The following TSPEAR variants were observed in gnomAD, a reference collection of about 807,000 sequenced individuals.
TSPEAR encodes thrombospondin type laminin G domain and EAR repeats, also known as thrombospondin-type laminin G domain and EAR repeat-containing protein.
A neutral mutation model predicts 71.6 loss-of-function variants in TSPEAR; 69 were observed. The observed-to-expected ratio is 0.96, with a 90% CI of 0.79 to 1.18. TSPEAR has a LOEUF of 1.18. Ranked by LOEUF, TSPEAR falls within the 50% of genes most tolerant of loss-of-function variation. The pLI, the probability that TSPEAR is intolerant of heterozygous loss-of-function variation, is 0.00. For synonymous variants in TSPEAR, 402 were observed against 387.2 expected (o/e 1.04, Z -0.45); for missense variants, 971 against 894.9 (o/e 1.09, Z -1.09).
intron 9 of TSPEAR, among the ~76,000 whole-genome samples, chr21:44,514,193 C>G (rs1234734642): frequency 6.6e-6 from 1 of 152,206 alleles, no homozygotes; most frequent in Non-Finnish European, 1.5e-5. Context: ...ACCCCCTTGA[C>G]AGATGTGCAG....
At chr21:44,580,545 C>T (rs376826211) in intron 1 of TSPEAR, 11 of 1,613,404 alleles carry the variant, frequency 6.8e-6, no homozygotes, top group Middle Eastern at 1.7e-4. Context: ...TCAGAGCAAG[C>T]GCTGGAGCAG....
intron 1 of TSPEAR, chr21:44,591,345 C>A (rs782354193): frequency 6.4e-6 from 10 of 1,563,172 alleles, no homozygotes; most frequent in Non-Finnish European, 8.7e-6. Flanking sequence ...GCTGGGAGGT[C>A]AGCCCCTGGT....
intron 1 of TSPEAR, among the ~76,000 whole-genome samples, chr21:44,626,683 T>C (rs1476869786): frequency 6.6e-6 from 1 of 152,076 alleles, no homozygotes; most frequent in Non-Finnish European, 1.5e-5. Context: ...GGAAGGACCA[T>C]ACTAGAGGAG....
chr21:44,648,394 A>G (rs73909212), intron 1 of TSPEAR, among the ~76,000 whole-genome samples: 5,366 of 152,220 alleles, frequency 0.035, 307 homozygotes, highest in African/African-American at 0.12. Context: ...TTGAACCAGA[A>G]AGTAGCTGAA....
At chr21:44,707,589 C>T (rs1262526548) in intron 1 of TSPEAR, among the ~76,000 whole-genome samples, 4 of 149,786 alleles carry the variant, frequency 2.7e-5, no homozygotes, top group Non-Finnish European at 4.4e-5. Flanking sequence ...ACCATGGGGG[C>T]GGAGCGGGGG....
intron 1 of TSPEAR, chr21:44,580,258 G>A: frequency 1.2e-6 from 2 of 1,613,884 alleles, no homozygotes; most frequent in Non-Finnish European, 1.7e-6. Flanking sequence ...AGCATGAAGA[G>A]GAATCCTTAG....
At position 44,687,494 on chromosome 21, in the gene TSPEAR, C is replaced by T. The variant is rs1057091940; in HGVS notation, c.82+23939G>A. 2.6e-5 allele frequency among the ~76,000 whole-genome samples: 4 copies of T among 152,194 alleles called. No homozygotes were observed. Among genetic ancestry groups the T allele is most frequent in the Non-Finnish European group, 5.9e-5 (4 of 68,032 alleles). Reference sequence around the variant, plus strand: ...TACGCACACGGCAACAGGAACGCATCGCAGAAACACCGCGCGGGGTGGGAG... The same window carrying T: ...TACGCACACGGCAACAGGAACGCATTGCAGAAACACCGCGCGGGGTGGGAG... On this transcript the variant is annotated intron_variant, in intron 1 of 11. Transcript: ENST00000323084. This position sits in a 1 kb window ranked among gnomAD's most constrained non-coding sequence, Gnocchi z 4.4.
chr21:44,570,030 C>A (rs587692127), intron 1 of TSPEAR, among the ~76,000 whole-genome samples: 15 of 152,280 alleles, frequency 9.9e-5, no homozygotes, highest in Admixed American at 2.0e-4. Flanking sequence ...CTCAGAGAGA[C>A]ACTGCTGCAC....
chr21:44,573,281 C>T (rs1181581109), intron 1 of TSPEAR, among the ~76,000 whole-genome samples: 9 of 152,046 alleles, frequency 5.9e-5, no homozygotes, highest in Non-Finnish European at 8.8e-5. Flanking sequence ...CGGAGCCACC[C>T]GTAGGCACCC....
intron 1 of TSPEAR, among the ~76,000 whole-genome samples, chr21:44,600,169 T>C (rs1479085532): frequency 2.0e-5 from 3 of 152,120 alleles, no homozygotes; most frequent in African/African-American, 7.2e-5. Context: ...CAGGGGCTTC[T>C]CTAGCCTGGC....
rs782600775 is a variant in TSPEAR, at chr21:44,646,687, C to T, written c.82+64746G>A. The T allele has an allele frequency of 2.5e-6, 4 of 1,614,142 alleles. No homozygotes were observed. The Admixed American group carries it at 6.7e-5, about 27-fold the overall frequency. ...ATCAGGCTGCACCAGCTCCTGCACG[C>T]CGTCATGCTGCCAGCAGTCTAGCTG... On this transcript the variant is annotated intron_variant, in intron 1 of 11. Transcript: ENST00000323084.
intron 1 of TSPEAR, among the ~76,000 whole-genome samples, chr21:44,652,076 C>T (rs587701149): frequency 7.0e-4 from 106 of 151,700 alleles, no homozygotes; most frequent in African/African-American, 2.5e-3. Context: ...GTCCGCCTCC[C>T]GCGTTCACAC....
At chr21:44,613,146 G>A (rs1403104794) in intron 1 of TSPEAR, among the ~76,000 whole-genome samples, 2 of 152,138 alleles carry the variant, frequency 1.3e-5, no homozygotes, top group Non-Finnish European at 2.9e-5. Context: ...ACTTGGCCTC[G>A]ACTTGAACCT....
In TSPEAR at chr21:44,504,881, A is replaced by C. The variant is rs782583828; in HGVS notation, c.1755T>G (p.Ser585Arg). Residue 585 changes from serine (S) to arginine (R), a missense_variant and splice_region_variant, in exon 11 of 12, where the codon AGT becomes AGG. Coordinates refer to ENST00000323084, the MANE Select transcript of TSPEAR (RefSeq NM_144991.3). ...FVKFQDILTC[S>R]ALDWEFFSVG... ...CCGAGAAAAACTCCCAGTCCAGAGC[A>C]CTGCAGGAACAAGTGGGTGGATATT... is the stretch of plus-strand genomic sequence containing the variant. 19 of 1,611,860 alleles carry C rather than the reference A, an allele frequency of 1.2e-5. No homozygotes were observed. The highest frequency in any genetic ancestry group is 1.4e-5 in the Non-Finnish European group (17 of 1,178,344).
intron 9 of TSPEAR, among the ~76,000 whole-genome samples, chr21:44,513,853 G>A (rs975303739): frequency 1.6e-4 from 24 of 152,166 alleles, no homozygotes; most frequent in Non-Finnish European, 3.4e-4. Flanking sequence ...GGTTGGGGGG[G>A]CAGTGGCATC....
intron 8 of TSPEAR, 106 bp downstream of exon 8, chr21:44,525,547 C>T (rs2052837368): frequency 8.4e-7 from 1 of 1,188,046 alleles, no homozygotes. Flanking sequence ...CCCTGTGCTG[C>T]ATGTGGCTTA....
chr21:44,524,317 AG>A (rs1555914665), intron 8 of TSPEAR, among the ~76,000 whole-genome samples: 1 of 152,174 alleles, frequency 6.6e-6, no homozygotes, highest in African/African-American at 2.4e-5. Context: ...ACAGTCAGGT[AG>A]TTAGTCAGTC....
chr21:44,510,579 C>CT, intron 9 of TSPEAR: 1 of 152,188 alleles, frequency 6.6e-6, no homozygotes, highest in African/African-American at 2.4e-5. Context: ...GTCCCCCTGA[C>CT]TGTCCGGCGC....
chr21:44,684,344 A>G (rs5013905), intron 1 of TSPEAR, among the ~76,000 whole-genome samples: 97,072 of 151,646 alleles, frequency 0.64, 31,207 homozygotes, highest in South Asian at 0.72. Flanking sequence ...AGACCAGCCT[A>G]GGCAACAAGC....
Sources: gnomAD v4.1 joint callset for allele counts (sites outside exome capture counted in the v4.1 genomes callset) on GRCh38, gnomAD v4.1.1 for gene constraint, Gnocchi (gnomAD v3.1) non-coding constraint, MANE v1.5 for transcripts, NCBI Gene and HGNC (gene_info 2026-07-23, HGNC 2026-07-21) for gene names.